The following NELL1 variants were observed in gnomAD, a reference collection of about 807,000 sequenced individuals.
NELL1 encodes protein kinase C-binding protein NELL1.
NELL1 carries 76 observed loss-of-function variants against 107.4 expected under a neutral mutation model. The ratio of observed to expected loss-of-function variants is 0.71; its 90% CI spans 0.59 to 0.86. NELL1 has a LOEUF of 0.86. Among genes scored for constraint, NELL1 ranks in the 40% least tolerant of loss-of-function variants. The pLI, the probability that NELL1 is intolerant of heterozygous loss-of-function variation, is 0.00. For synonymous variants in NELL1, 353 were observed against 341.2 expected (o/e 1.03, Z -0.38); for missense variants, 1,024 against 1,005.5 (o/e 1.02, Z -0.25).
chr11:21,034,348 A>T lies in NELL1; in HGVS notation c.1300+73788A>T, dbSNP rs560672072. On this transcript the variant is annotated intron_variant, in intron 12 of 19. Transcript: ENST00000357134. ...ACGTGGCCTTATTTCTGGGTTCTGT[A>T]TTCTGTTCCATTGGTCTGTGTGTCT... Among the ~76,000 whole-genome samples the T allele has an allele frequency of 1.2e-4, 18 of 152,202 alleles. No individual in the cohort carries two copies. The East Asian group carries it at 3.5e-3, about 29-fold the overall frequency.
intron 3 of NELL1, among the ~76,000 whole-genome samples, chr11:20,818,241 T>C (rs1857667146): frequency 6.6e-6 from 1 of 152,170 alleles, no homozygotes; most frequent in Non-Finnish European, 1.5e-5. Flanking sequence ...TAAAAGCACT[T>C]GTTTTGTGAA....
chr11:21,098,810 TTC>T (rs200442539), intron 12 of NELL1, among the ~76,000 whole-genome samples: 5 of 151,320 alleles, frequency 3.3e-5, no homozygotes, highest in Admixed American at 1.3e-4. Context: ...CCCTCTACCC[TTC>T]TCTCTCTCTC....
intron 2 of NELL1, among the ~76,000 whole-genome samples, chr11:20,733,061 G>A (rs1855683958): frequency 6.6e-6 from 1 of 152,150 alleles, no homozygotes; most frequent in Non-Finnish European, 1.5e-5. Flanking sequence ...GTAAAATAGG[G>A]ATAGTTGGAC....
chr11:21,065,337 A>G (rs986715907), intron 12 of NELL1, among the ~76,000 whole-genome samples: 3 of 152,162 alleles, frequency 2.0e-5, no homozygotes, highest in Admixed American at 6.6e-5. Flanking sequence ...TTCATTTTTC[A>G]GAAGTTACCT....
At chr11:20,834,295 C>T (rs1299366014) in intron 3 of NELL1, among the ~76,000 whole-genome samples, 2 of 152,054 alleles carry the variant, frequency 1.3e-5, no homozygotes, top group Admixed American at 6.6e-5. Flanking sequence ...AAAGACAATG[C>T]TTAGGTTTTT....
rs190212792 is a variant in NELL1 at position 21,080,222 on chromosome 11, C to A, written c.1301-33367C>A. Among the ~76,000 whole-genome samples the A allele has an allele frequency of 6.1e-3, 933 of 151,954 alleles. 9 individuals carry two copies. Among genetic ancestry groups the A allele is most frequent in the South Asian group, 0.032 (154 of 4,812 alleles). On this transcript the variant is annotated intron_variant, in intron 12 of 19. Transcript: ENST00000357134. ...ATGGCTTTATTTTTAAAAAGCAATA[C>A]AGCACGTCATAAAAATTTAACTTGT... is the stretch of plus-strand genomic sequence containing the variant.
rs1331424660 is a variant in NELL1 at position 21,284,734 on chromosome 11, T to C, written c.1549+55280T>C. 32 of 348,376 alleles carry C rather than the reference T, an allele frequency of 9.2e-5. 1 individual carries two copies. The highest frequency in any genetic ancestry group is 5.6e-4 in the South Asian group (26 of 46,146). The allele number at this position is 348,376 out of a possible 1,614,324, so 21.6% of individuals were successfully genotyped here. On this transcript the variant is annotated intron_variant, in intron 14 of 19. Coordinates refer to ENST00000357134, the MANE Select transcript of NELL1 (RefSeq NM_006157.5). ...ACAGCTTCAAGGCAATGTGACAATTTAGTCAATACAAATCTGGCAAACCCT... is the reference window on the plus strand; with the variant it reads ...ACAGCTTCAAGGCAATGTGACAATTCAGTCAATACAAATCTGGCAAACCCT...
intron 3 of NELL1, among the ~76,000 whole-genome samples, chr11:20,806,714 G>A (rs979101381): frequency 3.9e-4 from 59 of 151,946 alleles, no homozygotes; most frequent in Admixed American, 3.9e-3. Flanking sequence ...TTGTAGGTGT[G>A]CTTCATAGTG....
At chr11:21,233,911 TAC>T (rs1453923629) in intron 14 of NELL1, among the ~76,000 whole-genome samples, 2 of 152,204 alleles carry the variant, frequency 1.3e-5, no homozygotes, top group African/African-American at 4.8e-5. Context: ...TTATAAAACA[TAC>T]AGTGAGTGTG....
intron 15 of NELL1, among the ~76,000 whole-genome samples, chr11:21,513,167 G>A (rs1831439591): frequency 6.6e-6 from 1 of 152,120 alleles, no homozygotes; most frequent in African/African-American, 2.4e-5. Flanking sequence ...GTTCAATTAG[G>A]TTCTGATTTG....
chr11:20,859,528 A>G (rs1238240439), intron 4 of NELL1, among the ~76,000 whole-genome samples: 1 of 152,180 alleles, frequency 6.6e-6, no homozygotes, highest in Admixed American at 6.5e-5. Flanking sequence ...CATTTCTTCA[A>G]ATGTGGAGTA....
At chr11:21,430,742 C>G (rs1852945047) in intron 15 of NELL1, among the ~76,000 whole-genome samples, 1 of 152,060 alleles carries the variant, frequency 6.6e-6, no homozygotes, top group African/African-American at 2.4e-5. Context: ...TAGAAAACAC[C>G]TTGATCTGTA....
chr11:20,813,166 A>G (rs1468824781), intron 3 of NELL1, among the ~76,000 whole-genome samples: 1 of 152,126 alleles, frequency 6.6e-6, no homozygotes, highest in Non-Finnish European at 1.5e-5. Context: ...GGTTACTCCA[A>G]GGACATTTCA....
At chr11:20,810,679 C>G (rs1857483464) in intron 3 of NELL1, among the ~76,000 whole-genome samples, 1 of 152,108 alleles carries the variant, frequency 6.6e-6, no homozygotes, top group African/African-American at 2.4e-5. Context: ...TATAAACATG[C>G]ATGTGCAAGT....
intron 2 of NELL1, among the ~76,000 whole-genome samples, chr11:20,694,614 A>C (rs750415425): frequency 6.6e-6 from 1 of 151,934 alleles, no homozygotes; most frequent in African/African-American, 2.4e-5. Flanking sequence ...ATTCTGTTCT[A>C]TTGGTCTATG....
At chr11:21,239,777 A>G (rs1225953663) in intron 14 of NELL1, among the ~76,000 whole-genome samples, 2 of 152,036 alleles carry the variant, frequency 1.3e-5, no homozygotes, top group Non-Finnish European at 2.9e-5. Flanking sequence ...AATCAAGTGA[A>G]CCAAGATAGA....
At chr11:21,127,926 C>T (rs757465762) in intron 13 of NELL1, among the ~76,000 whole-genome samples, 3 of 152,060 alleles carry the variant, frequency 2.0e-5, no homozygotes, top group Non-Finnish European at 4.4e-5. Context: ...ATCCAGTTGC[C>T]TCTCTGTCTT....
chr11:21,527,397 TC>T (rs1265302109), intron 15 of NELL1, among the ~76,000 whole-genome samples: 1 of 152,144 alleles, frequency 6.6e-6, no homozygotes, highest in African/African-American at 2.4e-5. Flanking sequence ...TTTCCTATCT[TC>T]TTTTGAGCCC....
At chr11:21,201,055 C>A (rs1206150662) in intron 13 of NELL1, among the ~76,000 whole-genome samples, 1 of 152,154 alleles carries the variant, frequency 6.6e-6, no homozygotes, top group Non-Finnish European at 1.5e-5. Context: ...AGTTTGAGGT[C>A]AGGTAGCGTG....
Sources: gnomAD v4.1 joint callset for allele counts (sites outside exome capture counted in the v4.1 genomes callset) on GRCh38, gnomAD v4.1.1 for gene constraint, MANE v1.5 for transcripts, NCBI Gene and HGNC (gene_info 2026-07-23, HGNC 2026-07-21) for gene names.